The following HMG20A variants were observed in gnomAD, a reference collection of about 807,000 sequenced individuals.
HMG20A encodes high mobility group 20A.
HMG20A carries 17 observed loss-of-function variants against 43.9 expected under a neutral mutation model. The ratio of observed to expected loss-of-function variants is 0.39; its 90% CI spans 0.27 to 0.58. The LOEUF is 0.58. Ranked by LOEUF, HMG20A falls within the 20% of genes least tolerant of loss-of-function variation. The pLI is 0.59. For synonymous variants in HMG20A, 132 were observed against 147.5 expected (o/e 0.89, Z 0.76); for missense variants, 341 against 438.2 (o/e 0.78, Z 1.98).
intron 1 of HMG20A, among the ~76,000 whole-genome samples, chr15:77,455,717 A>T (rs1341615937): frequency 6.6e-6 from 1 of 152,208 alleles, no homozygotes. Flanking sequence ...AGTGCTTTGC[A>T]TAAAATTTCA....
the HMG20A span, among the ~76,000 whole-genome samples, chr15:77,511,847 G>A: frequency 1.3e-5 from 2 of 152,274 alleles, no homozygotes; most frequent in East Asian, 1.9e-4. Flanking sequence ...AAAACCGTAT[G>A]GCAGATCCTC....
intron 1 of HMG20A, among the ~76,000 whole-genome samples, chr15:77,451,573 C>G (rs747171929): frequency 6.6e-5 from 10 of 152,180 alleles, no homozygotes; most frequent in African/African-American, 2.2e-4. Context: ...ATACAGTATT[C>G]GAGAGACACA....
chr15:77,432,146 A>G (rs1221051733), intron 1 of HMG20A, among the ~76,000 whole-genome samples: 1 of 152,232 alleles, frequency 6.6e-6, no homozygotes, highest in African/African-American at 2.4e-5. Flanking sequence ...ATATATTCTC[A>G]GAGAATGCAA....
intron 1 of HMG20A, among the ~76,000 whole-genome samples, chr15:77,455,903 C>T (rs1044374152): frequency 6.6e-6 from 1 of 152,044 alleles, no homozygotes; most frequent in Non-Finnish European, 1.5e-5. Context: ...TTGTATTTTC[C>T]GACTTACTGG....
intron 1 of HMG20A, among the ~76,000 whole-genome samples, chr15:77,452,312 A>G (rs2072610332): frequency 1.3e-5 from 2 of 152,252 alleles, no homozygotes; most frequent in African/African-American, 4.8e-5. Context: ...TTATAACCTA[A>G]CAAAACATAT....
chr15:77,427,195 T>G (rs1476411548), intron 1 of HMG20A, among the ~76,000 whole-genome samples: 1 of 152,110 alleles, frequency 6.6e-6, no homozygotes, highest in East Asian at 1.9e-4. Context: ...AAAGCTCTCC[T>G]CAGGTAATAA....
At chr15:77,468,159 A>G (rs1330443793) in intron 4 of HMG20A, among the ~76,000 whole-genome samples, 3 of 152,352 alleles carry the variant, frequency 2.0e-5, no homozygotes, top group Admixed American at 2.0e-4. Context: ...GCAAGCTAGT[A>G]GAAAGCAGTG....
downstream of HMG20A, among the ~76,000 whole-genome samples, chr15:77,487,216 T>C (rs997081636): frequency 2.7e-4 from 41 of 152,206 alleles, no homozygotes; most frequent in African/African-American, 9.4e-4. Flanking sequence ...CATGTGACTA[T>C]AGCTAGCTAT....
At chr15:77,472,084 G>C (rs373919331) in intron 6 of HMG20A, among the ~76,000 whole-genome samples, 5 of 151,850 alleles carry the variant, frequency 3.3e-5, no homozygotes, top group African/African-American at 1.2e-4. Context: ...GCTGGAATTT[G>C]GAATGAAGTA....
intron 3 of HMG20A, among the ~76,000 whole-genome samples, chr15:77,465,491 G>A (rs1403289465): frequency 2.6e-5 from 4 of 151,330 alleles, no homozygotes; most frequent in Non-Finnish European, 5.9e-5. Context: ...TGCCTCCCAG[G>A]TTCAAGCTAT....
At chr15:77,443,376 GATGATTATTATTATT>G (rs1358303097) in intron 1 of HMG20A, among the ~76,000 whole-genome samples, 5 of 121,252 alleles carry the variant, frequency 4.1e-5, no homozygotes, top group Non-Finnish European at 8.9e-5. Flanking sequence ...TGATGATGAT[GATGATTATTATTATT>G]ATTATTATTA....
intron 9 of HMG20A, chr15:77,482,532 A>G (rs912905003): frequency 2.0e-5 from 3 of 152,208 alleles, no homozygotes; most frequent in African/African-American, 7.2e-5. Context: ...TTAATATGAG[A>G]AATGTTCTTG....
intron 1 of HMG20A, among the ~76,000 whole-genome samples, chr15:77,435,720 A>C (rs1489476652): frequency 6.6e-6 from 1 of 152,110 alleles, no homozygotes; most frequent in African/African-American, 2.4e-5. Flanking sequence ...CCACCATTCC[A>C]TCAAAAGGGC....
the HMG20A span, among the ~76,000 whole-genome samples, chr15:77,518,594 C>T: frequency 6.6e-6 from 1 of 152,368 alleles, no homozygotes; most frequent in South Asian, 2.1e-4. Context: ...GCCTTAGCTT[C>T]CGCATGGGCT....
chr15:77,440,934 G>C (rs976300135), intron 1 of HMG20A, among the ~76,000 whole-genome samples: 1 of 152,152 alleles, frequency 6.6e-6, no homozygotes, highest in African/African-American at 2.4e-5. Flanking sequence ...ATATCTACTT[G>C]ATACGGCAGA....
rs1217426444 is a variant in HMG20A at position 77,483,758 on chromosome 15, C to T, written c.*795C>T. 2 of 152,692 alleles carry T rather than the reference C, an allele frequency of 1.3e-5. No individual in the cohort carries two copies. Among genetic ancestry groups the T allele is most frequent in the Non-Finnish European group, 2.9e-5 (2 of 68,066 alleles). The allele number at this position is 152,692 out of a possible 1,614,324, so 9.5% of individuals were successfully genotyped here. ...GAGTCCCAGCCCCAGCAAGGCTCTT[C>T]TGTTCCCATCTGTTGACAATGTCTT... On this transcript the variant is annotated 3_prime_UTR_variant, in exon 10 of 10. Transcript: ENST00000336216.
At chr15:77,451,960 T>G (rs2072607506) in intron 1 of HMG20A, among the ~76,000 whole-genome samples, 1 of 152,230 alleles carries the variant, frequency 6.6e-6, no homozygotes, top group Non-Finnish European at 1.5e-5. Flanking sequence ...CTGACTCTAT[T>G]GTTTGAAGAT....
rs577246933 is a variant in HMG20A, at chr15:77,464,074, T to C, written c.90-166T>C. ...TAATCAAGCACTGAAACCAGTTTTT[T>C]TAAAACGCCCTGTAACGTCTGTGAA... On this transcript the variant is annotated intron_variant, in intron 2 of 9. Coordinates refer to ENST00000336216, the MANE Select transcript of HMG20A (RefSeq NM_001304504.2). Among the ~76,000 whole-genome samples, 21 of 152,382 alleles carry C rather than the reference T, an allele frequency of 1.4e-4. 1 individual carries two copies. The South Asian group carries it at 3.5e-3, about 26-fold the overall frequency.
chr15:77,441,720 G>A (rs1356719209), intron 1 of HMG20A, among the ~76,000 whole-genome samples: 2 of 152,036 alleles, frequency 1.3e-5, no homozygotes, highest in African/African-American at 4.8e-5. Context: ...GAGTGAATTT[G>A]TTGTAGAAAT....
Sources: gnomAD v4.1 joint callset for allele counts (sites outside exome capture counted in the v4.1 genomes callset) on GRCh38, gnomAD v4.1.1 for gene constraint, MANE v1.5 for transcripts, NCBI Gene and HGNC (gene_info 2026-07-23, HGNC 2026-07-21) for gene names.